Variants in LHFPL3 observed in about 807,000 individuals in gnomAD.
LHFPL3 encodes LHFPL tetraspan subfamily member 3, also known as LHFPL tetraspan subfamily member 3 protein.
A neutral mutation model predicts 19.3 loss-of-function variants in LHFPL3; 5 were observed. That is an observed-to-expected ratio of 0.26 (90% CI 0.14 to 0.54). The LOEUF (loss-of-function observed/expected upper bound fraction) is 0.54. Ranked by LOEUF, LHFPL3 falls within the 20% of genes least tolerant of loss-of-function variation. The probability of loss-of-function intolerance (pLI) is 0.94; values close to 1 mark genes in which losing one functional copy is unlikely to be tolerated. For synonymous variants in LHFPL3, 133 were observed against 126.2 expected, an observed-to-expected ratio of 1.05 and a Z score of -0.36; for missense variants, 249 against 307.4, an observed-to-expected ratio of 0.81 and a Z score of 1.42.
chr7:104,741,019 C>T (rs1195067776), intron 2 of LHFPL3, among the ~76,000 whole-genome samples: 2 of 152,192 alleles, frequency 1.3e-5, no homozygotes, highest in Non-Finnish European at 2.9e-5. Context: ...CTCACAGAGT[C>T]TTTAGATGAA....
intron 1 of LHFPL3, among the ~76,000 whole-genome samples, chr7:104,650,609 A>C (rs1792014358): frequency 6.6e-6 from 1 of 152,222 alleles, no homozygotes; most frequent in South Asian, 2.1e-4. Context: ...ATTACACCTG[A>C]GTACTTCTAG....
intron 1 of LHFPL3, among the ~76,000 whole-genome samples, chr7:104,721,918 A>G (rs181320742): frequency 6.6e-6 from 1 of 152,302 alleles, no homozygotes; most frequent in East Asian, 1.9e-4. Flanking sequence ...ATTATTAACT[A>G]TACCATTAGC....
intron 2 of LHFPL3, among the ~76,000 whole-genome samples, chr7:104,739,215 T>A (rs957828182): frequency 6.6e-6 from 1 of 152,204 alleles, no homozygotes; most frequent in African/African-American, 2.4e-5. Flanking sequence ...AACCTGCATG[T>A]TCCTGGGAAA....
At chr7:104,493,366 C>T (rs1450361118) in intron 1 of LHFPL3, among the ~76,000 whole-genome samples, 1 of 151,666 alleles carries the variant, frequency 6.6e-6, no homozygotes, top group Non-Finnish European at 1.5e-5. Context: ...TTCAAGACTC[C>T]CTTTTCTGAA....
At chr7:104,888,726 T>C (rs1246114840) in intron 2 of LHFPL3, among the ~76,000 whole-genome samples, 1 of 152,224 alleles carries the variant, frequency 6.6e-6, no homozygotes, top group African/African-American at 2.4e-5. Flanking sequence ...GGAGTCACTG[T>C]CACATGTGTC....
At chr7:104,781,243 C>T (rs570645077) in intron 2 of LHFPL3, among the ~76,000 whole-genome samples, 12 of 152,320 alleles carry the variant, frequency 7.9e-5, no homozygotes, top group Non-Finnish European at 8.8e-5. Flanking sequence ...CCTATCTCAA[C>T]AACTCCCCAA....
rs1390804108 is a variant in LHFPL3 at position 104,554,069 on chromosome 7, G to A, written c.446-182606G>A. ...GACAATTTGTCAGTAAAGAACTTCC[G>A]ATCTTTTGTACACTGCTTTATATTG... On this transcript the variant is annotated intron_variant, in intron 1 of 2. Coordinates refer to ENST00000424859, the MANE Select transcript of LHFPL3 (RefSeq NM_199000.3). Among the ~76,000 whole-genome samples the A allele has an allele frequency of 3.9e-5, 6 of 152,050 alleles. No homozygotes were observed. The East Asian group carries it at 7.7e-4, about 19-fold the overall frequency.
At chr7:104,634,116 T>C (rs6962783) in intron 1 of LHFPL3, among the ~76,000 whole-genome samples, 4,688 of 152,370 alleles carry the variant, frequency 0.031, 242 homozygotes, top group African/African-American at 0.11. Flanking sequence ...CTTCATTTTC[T>C]ATAGTAGACA....
chr7:104,516,657 G>A (rs927917961), intron 1 of LHFPL3, among the ~76,000 whole-genome samples: 1 of 152,050 alleles, frequency 6.6e-6, no homozygotes, highest in African/African-American at 2.4e-5. Context: ...AGATGCTGGC[G>A]AGGTTGCAGA....
chr7:104,664,002 G>A (rs1377104835), intron 1 of LHFPL3, among the ~76,000 whole-genome samples: 1 of 152,204 alleles, frequency 6.6e-6, no homozygotes, highest in African/African-American at 2.4e-5. Flanking sequence ...TGATTTTTTA[G>A]GGGTGTGTCC....
intron 2 of LHFPL3, among the ~76,000 whole-genome samples, chr7:104,860,174 CCACCCACACACACA>C (rs1791589287): frequency 1.2e-5 from 1 of 80,958 alleles, no homozygotes; most frequent in East Asian, 2.7e-4. Context: ...ACACATACAC[CCACCCACACACACA>C]CACACACACA....
chr7:104,431,333 T>C (rs906550642), intron 1 of LHFPL3, among the ~76,000 whole-genome samples: 4 of 152,206 alleles, frequency 2.6e-5, no homozygotes, highest in African/African-American at 4.8e-5. Context: ...TTTATAAAAT[T>C]CTTAATATAG....
intron 1 of LHFPL3, among the ~76,000 whole-genome samples, chr7:104,487,801 A>G (rs774891834): frequency 2.0e-5 from 3 of 152,122 alleles, no homozygotes; most frequent in Non-Finnish European, 4.4e-5. Context: ...TTCACTCCAT[A>G]TATGATGTTT....
At chr7:104,677,656 G>A (rs11767619) in intron 1 of LHFPL3, among the ~76,000 whole-genome samples, 72,796 of 152,000 alleles carry the variant, frequency 0.48, 18,052 homozygotes, top group South Asian at 0.64. Context: ...AGTCCTGTCC[G>A]CTGGAACTTT....
intron 1 of LHFPL3, among the ~76,000 whole-genome samples, chr7:104,449,308 C>T (rs187486588): frequency 1.1e-3 from 166 of 152,300 alleles, no homozygotes; most frequent in African/African-American, 3.8e-3. Flanking sequence ...CCTTGGCACA[C>T]TGTGCTGCTA....
At chr7:104,462,319 C>T (rs970768268) in intron 1 of LHFPL3, among the ~76,000 whole-genome samples, 2 of 151,892 alleles carry the variant, frequency 1.3e-5, no homozygotes, top group African/African-American at 4.8e-5. Context: ...TGTCTTGTGC[C>T]CAGTGCTTCC....
At chr7:104,397,144 T>G (rs1270741897) in intron 1 of LHFPL3, among the ~76,000 whole-genome samples, 1 of 152,122 alleles carries the variant, frequency 6.6e-6, no homozygotes, top group Non-Finnish European at 1.5e-5. Flanking sequence ...CATGAAAATG[T>G]TCTTATAGAA....
chr7:104,569,502 T>C (rs930517044), intron 1 of LHFPL3, among the ~76,000 whole-genome samples: 1 of 152,212 alleles, frequency 6.6e-6, no homozygotes, highest in Admixed American at 6.6e-5. Context: ...ATAATTTTTA[T>C]TGTGTGTATT....
chr7:104,407,181 A>C (rs189852020), intron 1 of LHFPL3, among the ~76,000 whole-genome samples: 1 of 152,346 alleles, frequency 6.6e-6, no homozygotes, highest in African/African-American at 2.4e-5. Context: ...TAATTCTAAA[A>C]GGTCAGGTCA....
Sources: allele counts gnomAD v4.1 joint callset (sites outside exome capture counted in the v4.1 genomes callset), GRCh38; gene constraint gnomAD v4.1.1; transcripts MANE v1.5; gene names NCBI Gene and HGNC (gene_info 2026-07-23, HGNC 2026-07-21).